NEK11: variants seen among roughly 807,000 people sequenced by gnomAD.
NEK11 encodes NIMA related kinase 11.
Under a neutral mutation model 80.7 loss-of-function variants are expected in NEK11, and 72 were observed. The ratio of observed to expected loss-of-function variants is 0.89; its 90% CI spans 0.74 to 1.08. NEK11 has a LOEUF of 1.08. Ranked by LOEUF, NEK11 falls within the 50% of genes least tolerant of loss-of-function variation. The pLI, the probability that NEK11 is intolerant of heterozygous loss-of-function variation, is 0.00. For synonymous variants in NEK11, 251 were observed against 260.7 expected (o/e 0.96, Z 0.36); for missense variants, 764 against 763.6 (o/e 1.00, Z -0.01).
chr3:131,226,139 CAG>C (rs1403602053), intron 14 of NEK11, among the ~76,000 whole-genome samples: 2 of 152,052 alleles, frequency 1.3e-5, no homozygotes, highest in East Asian at 3.9e-4. Flanking sequence ...GAAAGAGACA[CAG>C]AGATTCAGGG....
intron 17 of NEK11, among the ~76,000 whole-genome samples, chr3:131,339,845 G>A (rs1224894123): frequency 6.6e-6 from 1 of 152,102 alleles, no homozygotes; most frequent in Non-Finnish European, 1.5e-5. Flanking sequence ...GGTGTAGGTG[G>A]AGCTCTCTAA....
intron 7 of NEK11, among the ~76,000 whole-genome samples, chr3:131,144,996 A>G (rs905699231): frequency 3.3e-5 from 5 of 152,022 alleles, no homozygotes; most frequent in Admixed American, 2.0e-4. Flanking sequence ...AGATAATTGC[A>G]TATCTTTTTT....
intron 12 of NEK11, 27 bp downstream of exon 12, chr3:131,165,546 A>C: frequency 6.8e-7 from 1 of 1,481,048 alleles, no homozygotes; most frequent in Non-Finnish European, 9.3e-7. Flanking sequence ...TTTAAATTTT[A>C]CATAAAAATT....
intron 15 of NEK11, 60 bp from the exon 16 acceptor site, chr3:131,243,376 T>C (rs913456714): frequency 2.0e-6 from 3 of 1,472,010 alleles, no homozygotes; most frequent in African/African-American, 2.8e-5. Flanking sequence ...CATTTTTCCA[T>C]GTTATTAAGT....
At chr3:131,092,282 G>C (rs1418632193) in intron 4 of NEK11, among the ~76,000 whole-genome samples, 1 of 152,102 alleles carries the variant, frequency 6.6e-6, no homozygotes, top group African/African-American at 2.4e-5. Flanking sequence ...GAGACCATTT[G>C]ATGTACAACA....
chr3:131,317,647 C>T (rs954346821), intron 17 of NEK11, among the ~76,000 whole-genome samples: 7 of 151,396 alleles, frequency 4.6e-5, no homozygotes, highest in Non-Finnish European at 1.0e-4. Flanking sequence ...GTAATCCTAG[C>T]ACTTTGGGAG....
At chr3:131,231,532 CA>C (rs2095330142) in intron 15 of NEK11, among the ~76,000 whole-genome samples, 1 of 150,320 alleles carries the variant, frequency 6.7e-6, no homozygotes. Context: ...TATAGATTAG[CA>C]AAAAATAGAG....
At position 131,128,540 on chromosome 3, in the gene NEK11, A is replaced by C. The variant is rs140194118; in HGVS notation, c.456-4205A>C. 4.8e-3 allele frequency among the ~76,000 whole-genome samples: 728 copies of C among 152,322 alleles called. 10 individuals are homozygous for C. Among genetic ancestry groups the C allele is most frequent in the African/African-American group, 0.017 (702 of 41,576 alleles). On this transcript the variant is annotated intron_variant, in intron 5 of 17. Transcript: ENST00000383366. ...CTATTGTGTGAATGTACCATGGTTTATTTAACCATTCCGCTACTGAAGGAC... is the reference window on the plus strand; with the variant it reads ...CTATTGTGTGAATGTACCATGGTTTCTTTAACCATTCCGCTACTGAAGGAC...
At chr3:131,045,247 T>C (rs2067212460) in intron 3 of NEK11, among the ~76,000 whole-genome samples, 1 of 152,308 alleles carries the variant, frequency 6.6e-6, no homozygotes, top group South Asian at 2.1e-4. Flanking sequence ...AAATCGACAA[T>C]TGTCTATTTG....
chr3:131,232,132 G>A (rs774834153), intron 15 of NEK11, among the ~76,000 whole-genome samples: 35 of 152,074 alleles, frequency 2.3e-4, no homozygotes, highest in Non-Finnish European at 3.7e-4. Flanking sequence ...TTTATCACAA[G>A]CCATTATCAT....
intron 15 of NEK11, among the ~76,000 whole-genome samples, chr3:131,234,376 A>G (rs1468168411): frequency 1.3e-5 from 2 of 152,206 alleles, no homozygotes; most frequent in Non-Finnish European, 2.9e-5. Context: ...CATACTTGGG[A>G]AGAAACACTT....
At chr3:131,309,440 G>A (rs2096755132) in intron 17 of NEK11, among the ~76,000 whole-genome samples, 1 of 152,104 alleles carries the variant, frequency 6.6e-6, no homozygotes, top group African/African-American at 2.4e-5. Context: ...ATCTTCTACT[G>A]TCAGAAGCAT....
intron 3 of NEK11, among the ~76,000 whole-genome samples, chr3:131,031,737 TA>T (rs903822657): frequency 6.6e-6 from 1 of 152,032 alleles, no homozygotes; most frequent in Non-Finnish European, 1.5e-5. Flanking sequence ...GAACCAATCT[TA>T]AAAAAACACA....
chr3:131,262,625 T>C (rs190707626), intron 16 of NEK11, among the ~76,000 whole-genome samples: 1 of 152,280 alleles, frequency 6.6e-6, no homozygotes, highest in East Asian at 1.9e-4. Flanking sequence ...TTTCTTCATG[T>C]TACTGGATTT....
intron 7 of NEK11, among the ~76,000 whole-genome samples, chr3:131,145,208 G>A (rs558899157): frequency 8.4e-4 from 128 of 152,126 alleles, no homozygotes; most frequent in Non-Finnish European, 1.6e-3. Context: ...GTCTTGCTAT[G>A]TTGCCCAGGC....
In NEK11 at chr3:131,184,774, T is replaced by C. The variant is rs1244766752; in HGVS notation, c.1399+13887T>C. 3 of 1,174,796 alleles carry C rather than the reference T, an allele frequency of 2.6e-6. No individual in the cohort carries two copies. The South Asian group carries it at 6.0e-5, about 24-fold the overall frequency. The allele number at this position is 1,174,796 out of a possible 1,614,324, so 72.8% of individuals were successfully genotyped here. ...TAAAGGAATTTCTGAAATAAGGAAA[T>C]AGAATCCTCCATGCATACTTTTTGA... On this transcript the variant is annotated intron_variant, in intron 14 of 17. Transcript: ENST00000383366.
chr3:131,249,135 G>C (rs1441357885), intron 16 of NEK11, among the ~76,000 whole-genome samples: 1 of 151,862 alleles, frequency 6.6e-6, no homozygotes, highest in Non-Finnish European at 1.5e-5. Context: ...AGAAAAAAAA[G>C]AGAACATAAG....
chr3:131,225,702 G>T (rs1057012521), intron 14 of NEK11, among the ~76,000 whole-genome samples: 1 of 152,138 alleles, frequency 6.6e-6, no homozygotes. Context: ...GTTTCTGAAT[G>T]TTGGCCTCTC....
At chr3:131,331,102 T>C (rs962280483) in intron 17 of NEK11, among the ~76,000 whole-genome samples, 1 of 152,182 alleles carries the variant, frequency 6.6e-6, no homozygotes, top group Non-Finnish European at 1.5e-5. Context: ...CACATGAACC[T>C]TGGGGGACAC....
Sources: gnomAD v4.1 joint callset for allele counts (sites outside exome capture counted in the v4.1 genomes callset) on GRCh38, gnomAD v4.1.1 for gene constraint, MANE v1.5 for transcripts, NCBI Gene and HGNC (gene_info 2026-07-23, HGNC 2026-07-21) for gene names.